The following ARSJ variants were observed in gnomAD, a reference collection of about 807,000 sequenced individuals.
The protein encoded by ARSJ is arylsulfatase J.
ARSJ carries 26 observed loss-of-function variants against 35.9 expected under a neutral mutation model. That is an observed-to-expected ratio of 0.72 (90% confidence interval 0.53 to 1.00). The LOEUF (loss-of-function observed/expected upper bound fraction) is 1.00. Among genes scored for constraint, ARSJ ranks in the 50% least tolerant of loss-of-function variants. ARSJ has a pLI of 0.00. For synonymous variants in ARSJ, 294 were observed against 267.6 expected, an observed-to-expected ratio of 1.10 and a Z score of -0.96; for missense variants, 667 against 723.6, an observed-to-expected ratio of 0.92 and a Z score of 0.90.
intron 1 of ARSJ, among the ~76,000 whole-genome samples, chr4:113,975,950 A>T (rs1395565471): frequency 6.6e-6 from 1 of 152,116 alleles, no homozygotes; most frequent in Non-Finnish European, 1.5e-5. Context: ...ACAACTTGAG[A>T]ACTACTATCC....
intron 1 of ARSJ, among the ~76,000 whole-genome samples, chr4:113,913,257 C>T (rs1001536743): frequency 3.3e-5 from 5 of 152,188 alleles, no homozygotes; most frequent in African/African-American, 1.2e-4. Flanking sequence ...CATCCACTGT[C>T]GGTGAACCTT....
rs530540462 is a variant in ARSJ, at chr4:113,935,600, C to T, written c.399-31925G>A. ...TCTGAGTCTTACCATTCTGGCTCTCCCCTTTGTACATGCATTCTGAAATAA... is the reference window on the plus strand; with the variant it reads ...TCTGAGTCTTACCATTCTGGCTCTCTCCTTTGTACATGCATTCTGAAATAA... On this transcript the variant is annotated intron_variant, in intron 1 of 1. Coordinates refer to ENST00000315366, the MANE Select transcript of ARSJ (RefSeq NM_024590.4). 2.0e-5 allele frequency among the ~76,000 whole-genome samples: 3 copies of T among 151,922 alleles called. No homozygotes were observed. In the South Asian group the frequency reaches 6.2e-4, roughly 32 times the overall value.
chr4:113,914,341 T>C, intron 1 of ARSJ, among the ~76,000 whole-genome samples: 1 of 152,186 alleles, frequency 6.6e-6, no homozygotes, highest in East Asian at 1.9e-4. Flanking sequence ...CATTAATATT[T>C]AGTTATCCTA....
At chr4:113,928,711 T>C (rs368863544) in intron 1 of ARSJ, among the ~76,000 whole-genome samples, 35 of 152,282 alleles carry the variant, frequency 2.3e-4, no homozygotes, top group African/African-American at 7.2e-4. Context: ...TATAGTTGAG[T>C]CACTGTGGTT....
In ARSJ at chr4:113,978,417, TAAG is replaced by T; in HGVS notation, c.398+17_398+19del. The T allele has an allele frequency of 6.5e-7, 1 of 1,544,540 alleles. No individual in the cohort carries two copies. Among genetic ancestry groups the T allele is most frequent in the Non-Finnish European group, 8.7e-7 (1 of 1,145,748 alleles). ...TTAAGATTTCTCCAAGGAATAAATA[TAAG>T]AAGTAGGAACACTTACTTTCCAGTA... On this transcript the variant is annotated intron_variant, in intron 1 of 1. Transcript: ENST00000315366.
intron 1 of ARSJ, among the ~76,000 whole-genome samples, chr4:113,925,232 T>C (rs1241035764): frequency 6.6e-6 from 1 of 152,074 alleles, no homozygotes; most frequent in South Asian, 2.1e-4. Context: ...TCCAGTTTAA[T>C]GGAATCTTTA....
intron 1 of ARSJ, among the ~76,000 whole-genome samples, chr4:113,908,743 G>A (rs1594385652): frequency 6.6e-6 from 1 of 152,024 alleles, no homozygotes; most frequent in African/African-American, 2.4e-5. Flanking sequence ...ATTAATTTAG[G>A]AACATTATAA....
intron 1 of ARSJ, among the ~76,000 whole-genome samples, chr4:113,924,324 C>A (rs1026168274): frequency 6.6e-6 from 1 of 151,530 alleles, no homozygotes; most frequent in African/African-American, 2.4e-5. Context: ...GTTTTTCTGC[C>A]TGCTTTATAT....
intron 1 of ARSJ, among the ~76,000 whole-genome samples, chr4:113,930,934 CA>C (rs1724402482): frequency 6.7e-6 from 1 of 149,926 alleles, no homozygotes; most frequent in African/African-American, 2.5e-5. Flanking sequence ...AACAAAAAAC[CA>C]AACACCGCAT....
At chr4:113,940,389 G>T (rs1725073607) in intron 1 of ARSJ, among the ~76,000 whole-genome samples, 1 of 151,978 alleles carries the variant, frequency 6.6e-6, no homozygotes, top group South Asian at 2.1e-4. Flanking sequence ...TAATGCAGGG[G>T]CAGAAAACCA....
intron 1 of ARSJ, among the ~76,000 whole-genome samples, chr4:113,968,296 T>C (rs542739330): frequency 6.6e-6 from 1 of 152,166 alleles, no homozygotes; most frequent in African/African-American, 2.4e-5. Flanking sequence ...CATATAATAT[T>C]TATGTATTTT....
chr4:113,956,141 A>G (rs552961422), intron 1 of ARSJ, among the ~76,000 whole-genome samples: 9 of 152,146 alleles, frequency 5.9e-5, no homozygotes, highest in East Asian at 5.8e-4. Context: ...GGGTTTTGTC[A>G]TGTTGCCTAG....
In ARSJ at chr4:113,962,487, T is replaced by C. The variant is rs536622616; in HGVS notation, c.398+15950A>G. On this transcript the variant is annotated intron_variant, in intron 1 of 1. Coordinates refer to ENST00000315366, the MANE Select transcript of ARSJ (RefSeq NM_024590.4). ...CATGTCTGCTGGAGCAGGCACCTTT[T>C]TTTTTTTTTTTTCTAATAGTTGAAT... 6.6e-5 allele frequency among the ~76,000 whole-genome samples: 10 copies of C among 151,660 alleles called. No individual in the cohort carries two copies. The South Asian group carries it at 2.1e-3, about 32-fold the overall frequency.
intron 1 of ARSJ, among the ~76,000 whole-genome samples, chr4:113,976,135 T>A (rs1404785198): frequency 6.6e-6 from 1 of 152,210 alleles, no homozygotes; most frequent in Non-Finnish European, 1.5e-5. Flanking sequence ...AAATGGATTT[T>A]TAATTTTTGA....
chr4:113,968,199 GGATA>G (rs1274170666), intron 1 of ARSJ, among the ~76,000 whole-genome samples: 2 of 151,976 alleles, frequency 1.3e-5, no homozygotes, highest in Non-Finnish European at 2.9e-5. Context: ...AAAAACTGAA[GGATA>G]GATAGTTTAA....
chr4:113,919,686 G>A (rs937642259), intron 1 of ARSJ, among the ~76,000 whole-genome samples: 9 of 152,122 alleles, frequency 5.9e-5, no homozygotes, highest in Non-Finnish European at 1.0e-4. Context: ...TGTGAGGTGG[G>A]GAGCCAGAGA....
chr4:113,902,763 G>A lies in ARSJ; in HGVS notation c.1311C>T (p.Gly437=). ...GGATTGCAGTGTTCCAGATCCCATA[G>A]CCTGCTGCCCAGGAGCCATTTTTTG... ...TKAKNGSWAA[G]YGIWNTAIQS... Residue 437 remains glycine (G), a synonymous_variant, in exon 2 of 2, where the codon GGC becomes GGT. Transcript: ENST00000315366. The A allele has an allele frequency of 6.2e-7, 1 of 1,614,202 alleles. No individual in the cohort carries two copies. The highest frequency in any genetic ancestry group is 2.2e-5 in the East Asian group (1 of 44,890).
chr4:113,975,915 T>C (rs572390010), intron 1 of ARSJ, among the ~76,000 whole-genome samples: 1 of 152,248 alleles, frequency 6.6e-6, no homozygotes, highest in South Asian at 2.1e-4. Flanking sequence ...TTAACTAGCA[T>C]TTGGACTGAT....
chr4:113,929,218 C>T (rs1188626079), intron 1 of ARSJ, among the ~76,000 whole-genome samples: 2 of 151,908 alleles, frequency 1.3e-5, no homozygotes, highest in Non-Finnish European at 2.9e-5. Flanking sequence ...AGAGCATCTC[C>T]TCATGGGTTA....
Sources: allele counts gnomAD v4.1 joint callset (sites outside exome capture counted in the v4.1 genomes callset), GRCh38; gene constraint gnomAD v4.1.1; transcripts MANE v1.5; gene names NCBI Gene and HGNC (gene_info 2026-07-23, HGNC 2026-07-21).